The following MCPH1 variants were observed in gnomAD, a reference collection of about 807,000 sequenced individuals.
MCPH1 encodes the protein microcephalin.
MCPH1 carries 104 observed loss-of-function variants against 84.5 expected under a neutral mutation model. The ratio of observed to expected loss-of-function variants is 1.23; its 90% CI spans 1.05 to 1.45. The LOEUF (loss-of-function observed/expected upper bound fraction) is 1.45, where lower values mean the gene tolerates loss of function less well. MCPH1 is among the 40% of genes most tolerant of loss of function. The pLI, the probability that MCPH1 is intolerant of heterozygous loss-of-function variation, is 0.00. For synonymous variants in MCPH1, 514 were observed against 366.8 expected, an observed-to-expected ratio of 1.40 and a Z score of -4.58; for missense variants, 1,498 against 1,005.7, an observed-to-expected ratio of 1.49 and a Z score of -6.62.
intron 13 of MCPH1, chr8:6,627,064 G>C: frequency 1.0e-6 from 1 of 984,868 alleles, no homozygotes; most frequent in South Asian, 4.7e-5. Context: ...GTCCCATGTC[G>C]ATGTTTTCAG....
intron 13 of MCPH1, among the ~76,000 whole-genome samples, chr8:6,638,712 T>A (rs760271668): frequency 8.5e-5 from 13 of 152,138 alleles, no homozygotes; most frequent in Non-Finnish European, 1.8e-4. Flanking sequence ...CGGCCACATT[T>A]TATGGGATGT....
At chr8:6,435,470 G>T (rs1802509603) in intron 4 of MCPH1, among the ~76,000 whole-genome samples, 1 of 152,172 alleles carries the variant, frequency 6.6e-6, no homozygotes, top group Non-Finnish European at 1.5e-5. Context: ...TTGCAATGGG[G>T]TGATGCTGGG....
intron 12 of MCPH1, among the ~76,000 whole-genome samples, chr8:6,617,526 A>G (rs1830930502): frequency 6.6e-6 from 1 of 152,118 alleles, no homozygotes; most frequent in South Asian, 2.1e-4. Flanking sequence ...AACAAAAATA[A>G]AACAACACGA....
rs1230343701 is a variant in MCPH1 at position 6,554,368 on chromosome 8, GC to G, written c.2214+54444del. Among the ~76,000 whole-genome samples, 4 of 151,420 alleles carry G rather than the reference GC, an allele frequency of 2.6e-5. No homozygotes were observed. In the South Asian group the frequency reaches 6.3e-4, roughly 24 times the overall value. On this transcript the variant is annotated intron_variant, in intron 12 of 13. Coordinates refer to ENST00000344683, the MANE Select transcript of MCPH1 (RefSeq NM_024596.5). Reference sequence around the variant, plus strand: ...CTTTTAAGACTTTGTTCACGTTCTCGCCCCCAAAAGCCAATTATGATTATAA... The same window carrying G: ...CTTTTAAGACTTTGTTCACGTTCTCGCCCCAAAAGCCAATTATGATTATAA...
chr8:6,642,614 T>C (rs757846706), intron 13 of MCPH1: 4 of 359,878 alleles, frequency 1.1e-5, no homozygotes, highest in Non-Finnish European at 1.6e-5. Context: ...ACTTATACTC[T>C]GCCTTATGCC....
At chr8:6,592,614 C>CTTTTTTTTTTTTTTTTTTTTTTTT (rs1252024553) in intron 12 of MCPH1, among the ~76,000 whole-genome samples, 23 of 65,502 alleles carry the variant, frequency 3.5e-4, no homozygotes, top group Non-Finnish European at 4.5e-4. Context: ...GTTTTTCTTT[C>CTTTTTTTTTTTTTTTTTTTTTTTT]TTTTTTTTGT....
At chr8:6,448,745 A>C (rs1804722392) in intron 8 of MCPH1, among the ~76,000 whole-genome samples, 1 of 152,214 alleles carries the variant, frequency 6.6e-6, no homozygotes, top group South Asian at 2.1e-4. Flanking sequence ...TCATATATTT[A>C]CATATTGGTA....
At chr8:6,532,194 T>G (rs1269537596) in intron 12 of MCPH1, 2 of 1,033,134 alleles carry the variant, frequency 1.9e-6, no homozygotes, top group Admixed American at 2.5e-5. Context: ...CATCCTTAAT[T>G]TCTTATCAAT....
At chr8:6,475,195 T>C (rs1024863132) in intron 9 of MCPH1, among the ~76,000 whole-genome samples, 7 of 152,348 alleles carry the variant, frequency 4.6e-5, no homozygotes, top group African/African-American at 1.4e-4. Flanking sequence ...AAAGTTCCCC[T>C]GCCACACTGG....
intron 11 of MCPH1, among the ~76,000 whole-genome samples, chr8:6,498,284 G>A (rs1162618134): frequency 6.6e-6 from 1 of 152,154 alleles, no homozygotes; most frequent in Non-Finnish European, 1.5e-5. Context: ...CCTTACCTGT[G>A]CTCTTTCAAA....
At chr8:6,447,241 C>A in intron 8 of MCPH1, 7 of 985,374 alleles carry the variant, frequency 7.1e-6, no homozygotes, top group Non-Finnish European at 8.4e-6. Context: ...GGTGAACCAA[C>A]TCTCTTTGGG....
intron 11 of MCPH1, among the ~76,000 whole-genome samples, chr8:6,487,726 G>A (rs926457633): frequency 1.3e-5 from 2 of 152,198 alleles, no homozygotes; most frequent in African/African-American, 2.4e-5. Flanking sequence ...CTGGGTCTCT[G>A]AACTTTCACG....
At chr8:6,598,031 C>G (rs1829059695) in intron 12 of MCPH1, among the ~76,000 whole-genome samples, 1 of 152,192 alleles carries the variant, frequency 6.6e-6, no homozygotes, top group South Asian at 2.1e-4. Context: ...ATGTCCTTTT[C>G]CAGCCAACAT....
intron 12 of MCPH1, chr8:6,513,986 C>A: frequency 1.3e-6 from 1 of 793,528 alleles, no homozygotes; most frequent in Non-Finnish European, 1.9e-6. Context: ...AGGGTCCTTC[C>A]CAAAGGAAAA....
chr8:6,640,719 C>T (rs2129583856), intron 13 of MCPH1, among the ~76,000 whole-genome samples: 1 of 152,264 alleles, frequency 6.6e-6, no homozygotes, highest in South Asian at 2.1e-4. Context: ...CTCCATGGCA[C>T]CTACCCTTGT....
intron 11 of MCPH1, among the ~76,000 whole-genome samples, chr8:6,486,504 T>C (rs1013947724): frequency 9.2e-5 from 14 of 152,300 alleles, no homozygotes; most frequent in African/African-American, 3.1e-4. Context: ...CAGAATTAGA[T>C]GGTTGTATGT....
At chr8:6,491,065 AAT>A (rs1491524428) in intron 11 of MCPH1, among the ~76,000 whole-genome samples, 12 of 149,956 alleles carry the variant, frequency 8.0e-5, no homozygotes, top group Non-Finnish European at 1.3e-4. Context: ...TATCAAAAAA[AAT>A]TTTTTTTTTA....
chr8:6,409,946 A>G (rs1709107176), intron 2 of MCPH1, among the ~76,000 whole-genome samples: 1 of 151,822 alleles, frequency 6.6e-6, no homozygotes, highest in Admixed American at 6.6e-5. Flanking sequence ...GAGAAGGAGA[A>G]AGGAAGTGTG....
chr8:6,614,764 C>T (rs1027888903), intron 12 of MCPH1, among the ~76,000 whole-genome samples: 1 of 152,142 alleles, frequency 6.6e-6, no homozygotes, highest in African/African-American at 2.4e-5. Context: ...CTGTGTGGCC[C>T]CCGTGGTATC....
Sources: allele counts gnomAD v4.1 joint callset (sites outside exome capture counted in the v4.1 genomes callset), GRCh38; gene constraint gnomAD v4.1.1; transcripts MANE v1.5; gene names NCBI Gene and HGNC (gene_info 2026-07-23, HGNC 2026-07-21).